The following KHSRP variants were observed in gnomAD, a reference collection of about 807,000 sequenced individuals.
KHSRP encodes far upstream element-binding protein 2.
In KHSRP, 13 loss-of-function variants were observed where a neutral mutation model predicts 94.9. That is an observed-to-expected ratio of 0.14 (90% CI 0.09 to 0.22). KHSRP has a LOEUF of 0.22. Among genes scored for constraint, KHSRP ranks in the 10% least tolerant of loss-of-function variants. KHSRP has a pLI of 1.00. For missense variants in KHSRP, 710 were observed against 1,010.0 expected (o/e 0.70, Z 4.03); for synonymous variants, 495 against 401.4 (o/e 1.23, Z -2.79).
rs771988976 is a variant in KHSRP at position 6,421,282 on chromosome 19, G to T, written c.421C>A (p.Pro141Thr). 5.0e-6 allele frequency: 8 copies of T among 1,588,264 alleles called. 1 individual carries two copies. The South Asian group carries it at 9.2e-5, about 18-fold the overall frequency. The change falls in exon 4 of 19, where the codon CCA (proline) becomes ACA (threonine). Residue 141 changes from proline (P) to threonine (T), a missense_variant. Coordinates refer to ENST00000600480, the MANE Select transcript of KHSRP (RefSeq NM_001366299.1). ...SSQLGPIHPP[P>T]RTSMTEEYRV... The stretch of plus-strand genomic sequence containing the variant: ...GTGGGCCCCACCATGGCTTACCTTG[G>T]GGGAGGATGGATGGGTCCAAGTTGA...
intron 2 of KHSRP, among the ~76,000 whole-genome samples, chr19:6,421,932 C>A (rs866361969): frequency 6.6e-6 from 1 of 152,162 alleles, no homozygotes; most frequent in Non-Finnish European, 1.5e-5. Flanking sequence ...TGAGTCCTCC[C>A]GGTTTAGGAC....
At chr19:6,421,495 A>G in intron 3 of KHSRP, 155 bp downstream of exon 3, 2 of 1,033,470 alleles carry the variant, frequency 1.9e-6, no homozygotes, top group Non-Finnish European at 2.9e-6. Flanking sequence ...CCTCAATTTC[A>G]GGGTTCCTGG....
Position 6,414,791 on chromosome 19 carries a change from C to T in KHSRP, c.*233G>A, listed in dbSNP as rs1456362659. The T allele has an allele frequency of 1.3e-5, 15 of 1,148,398 alleles. No homozygotes were observed. The Admixed American group carries it at 1.3e-4, about 10-fold the overall frequency. The allele number at this position is 1,148,398 out of a possible 1,614,324, so 71.1% of individuals were successfully genotyped here. On this transcript the variant is annotated 3_prime_UTR_variant, in exon 19 of 19. Transcript: ENST00000600480. The stretch of plus-strand genomic sequence containing the variant: ...GGCCAGATTGTGAGCGAGGTGGTGG[C>T]GGCCGGGCCGGTGCCCACCGTCCGC...
chr19:6,416,469 C>G, intron 14 of KHSRP, 21 bp downstream of exon 14: 2 of 1,612,494 alleles, frequency 1.2e-6, no homozygotes, highest in Non-Finnish European at 1.7e-6. Context: ...GACCAAATCC[C>G]CAGAGCCCGC....
Position 6,418,121 on chromosome 19 carries a change from T to A in KHSRP, c.880-42A>T. The A allele has an allele frequency of 6.4e-7, 1 of 1,567,188 alleles. No homozygotes were observed. Among genetic ancestry groups the A allele is most frequent in the Non-Finnish European group, 8.8e-7 (1 of 1,138,574 alleles). On this transcript the variant is annotated intron_variant, in intron 9 of 18. Transcript: ENST00000600480. This position sits in a 1 kb window ranked among gnomAD's most constrained non-coding sequence, Gnocchi z 4.3. ...AGCAGCCCCCATGGGTGAGCCCTGC[T>A]GCCCCACACCCCCCCACCTCCTCGG... is the stretch of plus-strand genomic sequence containing the variant.
chr19:6,417,383 C>G (rs1228299186), intron 11 of KHSRP, among the ~76,000 whole-genome samples: 1 of 152,222 alleles, frequency 6.6e-6, no homozygotes, highest in Admixed American at 6.5e-5. Context: ...CCCTTCTCCC[C>G]ACGGCAGGCA....
rs1568341827 is a variant in KHSRP at position 6,416,324 on chromosome 19, GTTGAAGGGCCCAGGA to G, written c.1557_1571del (p.Pro520_Asn524del). On this transcript the variant is annotated inframe_deletion, in exon 15 of 19. Transcript: ENST00000600480. ...GTGGGGGAGCCCCGGGTGGCCCCTG[GTTGAAGGGCCCAGGA>G]TTGAAGGGCCCCATTGGGCCAGCAG... 12 of 1,603,916 alleles carry G rather than the reference GTTGAAGGGCCCAGGA, an allele frequency of 7.5e-6. No homozygotes were observed. Among genetic ancestry groups the G allele is most frequent in the East Asian group, 2.2e-5 (1 of 44,844 alleles).
intron 1 of KHSRP, 92 bp downstream of exon 1, chr19:6,424,361 C>T (rs2092218004): frequency 1.7e-6 from 1 of 588,234 alleles, no homozygotes; most frequent in Non-Finnish European, 2.1e-6. Flanking sequence ...CCCCCCTCCG[C>T]GACCCTGCGC....
chr19:6,416,966 T>C (rs2092151775), intron 12 of KHSRP, 21 bp downstream of exon 12: 1 of 1,613,390 alleles, frequency 6.2e-7, no homozygotes, highest in Non-Finnish European at 8.5e-7. Flanking sequence ...GCCAGCCCCT[T>C]CAGCACCCGG....
chr19:6,423,322 G>A (rs1200582773), intron 1 of KHSRP, among the ~76,000 whole-genome samples: 1 of 152,152 alleles, frequency 6.6e-6, no homozygotes, highest in East Asian at 1.9e-4. Context: ...TGGGACACAA[G>A]TTACATCTCA....
chr19:6,416,315 T>G lies in KHSRP; in HGVS notation c.1581A>C (p.Pro527=). The change falls in exon 15 of 19, where the codon CCA becomes CCC. Residue 527 remains proline (P), a synonymous_variant. Transcript: ENST00000600480. ...PFNPGPFNQG[P]PGAPPHAGGP... ...ATACTCACTGTGGGGGAGCCCCGGGTGGCCCCTGGTTGAAGGGCCCAGGAT... is the reference window on the plus strand; with the variant it reads ...ATACTCACTGTGGGGGAGCCCCGGGGGGCCCCTGGTTGAAGGGCCCAGGAT... 1 of 1,602,304 alleles carries G rather than the reference T, an allele frequency of 6.2e-7. No individual in the cohort carries two copies. Among genetic ancestry groups the G allele is most frequent in the Non-Finnish European group, 8.5e-7 (1 of 1,176,856 alleles).
rs748209409 is a variant in KHSRP, at chr19:6,422,444, A to C, written c.250-8T>G. The C allele has an allele frequency of 6.2e-7, 1 of 1,606,630 alleles. No homozygotes were observed. Among genetic ancestry groups the C allele is most frequent in the Non-Finnish European group, 8.5e-7 (1 of 1,173,732 alleles). On this transcript the variant is annotated splice_region_variant and splice_polypyrimidine_tract_variant and intron_variant, in intron 1 of 18. Coordinates refer to ENST00000600480, the MANE Select transcript of KHSRP (RefSeq NM_001366299.1). ...TCCAATTTTGGCTGCAATCTAGAATAAAGTAGTAAGCACAGAAGAATTACC... is the reference window on the plus strand; with the variant it reads ...TCCAATTTTGGCTGCAATCTAGAATCAAGTAGTAAGCACAGAAGAATTACC...
rs2258496 is a variant in KHSRP, at chr19:6,417,844, G to A, written c.979-3C>T. On this transcript the variant is annotated splice_region_variant and splice_polypyrimidine_tract_variant and intron_variant, in intron 10 of 18. Transcript: ENST00000600480. Reference sequence around the variant, plus strand: ...ACAGAATGCCTGGGCACTGGCACCTGGGGAGGGAGGCAGCAGCGTCAGCTC... The same window carrying A: ...ACAGAATGCCTGGGCACTGGCACCTAGGGAGGGAGGCAGCAGCGTCAGCTC... 0.36 allele frequency: 577,446 copies of A among 1,612,278 alleles called. 107,501 individuals are homozygous for A. Among genetic ancestry groups the A allele is most frequent in the Admixed American group, 0.6 (36,164 of 59,806 alleles).
In KHSRP at chr19:6,415,285, T is replaced by C; in HGVS notation, c.1983A>G (p.Gly661=). 6.2e-7 allele frequency: 1 copy of C among 1,613,106 alleles called. No homozygotes were observed. The highest frequency in any genetic ancestry group is 2.2e-5 in the East Asian group (1 of 44,878). Residue 661 remains glycine (G), a synonymous_variant, in exon 19 of 19, where the codon GGA becomes GGG. Coordinates refer to ENST00000600480, the MANE Select transcript of KHSRP (RefSeq NM_001366299.1). The part of the protein sequence containing the change: ...YYKKQAQVAT[G]GGPGAPPGSQ... The stretch of plus-strand genomic sequence containing the variant: ...AGCCTGGGGGAGCTCCTGGACCCCC[T>C]CCGGTGGCCACTTGCGCTGTGGGTG...
At chr19:6,423,236 G>A (rs1435095557) in intron 1 of KHSRP, among the ~76,000 whole-genome samples, 2 of 152,140 alleles carry the variant, frequency 1.3e-5, no homozygotes, top group Non-Finnish European at 1.5e-5. Flanking sequence ...CTGAGATCGT[G>A]CCACTGCACC....
chr19:6,414,289 G>C lies in KHSRP; in HGVS notation c.*735C>G. The C allele has an allele frequency of 2.1e-6, 3 of 1,403,164 alleles. No homozygotes were observed. The highest frequency in any genetic ancestry group is 2.8e-6 in the Non-Finnish European group (3 of 1,071,954). 86.9% of individuals were successfully genotyped at this position (1,403,164 alleles called of 1,614,324 possible). A position where few individuals can be genotyped will look rare whatever the true frequency, so the allele number is the denominator to read the frequency against. On this transcript the variant is annotated 3_prime_UTR_variant, in exon 19 of 19. Transcript: ENST00000600480. ...ACGTGCTTGTTAACTGTCTAGCCAGGTGCTCGCGGGACTCGCTGAAGTCAC... is the reference window on the plus strand; with the variant it reads ...ACGTGCTTGTTAACTGTCTAGCCAGCTGCTCGCGGGACTCGCTGAAGTCAC...
rs1357190907 is a variant in KHSRP at position 6,413,155 on chromosome 19, C to G, written c.*1869G>C. On this transcript the variant is annotated 3_prime_UTR_variant, in exon 19 of 19. Coordinates refer to ENST00000600480, the MANE Select transcript of KHSRP (RefSeq NM_001366299.1). ...AACAAAAAAAAAAAAGGGGGGGGGG[C>G]ACGGTTAGGAAAGCACATTGAGCCT... Among the ~76,000 whole-genome samples, 3 of 114,944 alleles carry G rather than the reference C, an allele frequency of 2.6e-5. No homozygotes were observed. The highest frequency in any genetic ancestry group is 9.1e-5 in the Admixed American group (1 of 10,994). The allele number at this position is 114,944 out of a possible 152,430, so 75.4% of individuals were successfully genotyped here. A position where few individuals can be genotyped will look rare whatever the true frequency, so the allele number is the denominator to read the frequency against.
Position 6,417,694 on chromosome 19 carries a change from G to T in KHSRP, c.1081+45C>A, listed in dbSNP as rs374695332. The stretch of plus-strand genomic sequence containing the variant: ...TCCCTCAGAGCCTGCCTCCCAAAGA[G>T]GGTGGGGGTGCACTGGCCAGGGGCA... On this transcript the variant is annotated intron_variant, in intron 11 of 18. Coordinates refer to ENST00000600480, the MANE Select transcript of KHSRP (RefSeq NM_001366299.1). The T allele has an allele frequency of 2.0e-6, 3 of 1,538,298 alleles. No individual in the cohort carries two copies. The African/African-American group carries it at 4.1e-5, about 21-fold the overall frequency.
chr19:6,415,637 T>G lies in KHSRP; in HGVS notation c.1785A>C (p.Ala595=). The change falls in exon 17 of 19, where the codon GCA becomes GCC. Residue 595 remains alanine (A), a synonymous_variant. Transcript: ENST00000600480. ...GAGCCGGTGGGGCCGCAGGGGCCGG[T>G]GCGGGGCCGGGGACGGGGCCCGGGG... is the stretch of plus-strand genomic sequence containing the variant. The part of the protein sequence containing the change: ...QQPPGPVPGP[A]PAPAAPPAQG... 1 of 1,530,078 alleles carries G rather than the reference T, an allele frequency of 6.5e-7. No homozygotes were observed. Among genetic ancestry groups the G allele is most frequent in the Non-Finnish European group, 8.8e-7 (1 of 1,140,332 alleles). 94.8% of individuals were successfully genotyped at this position (1,530,078 alleles called of 1,614,324 possible).
Sources: allele counts gnomAD v4.1 joint callset (sites outside exome capture counted in the v4.1 genomes callset), GRCh38; gene constraint gnomAD v4.1.1; non-coding constraint Gnocchi (gnomAD v3.1); transcripts MANE v1.5; gene names NCBI Gene and HGNC (gene_info 2026-07-23, HGNC 2026-07-21).